ATXN1: variants seen among roughly 807,000 people sequenced by gnomAD.
ATXN1 encodes ataxin 1.
In ATXN1, 8 loss-of-function variants were observed where a neutral mutation model predicts 56.4. The ratio of observed to expected loss-of-function variants is 0.14; its 90% CI spans 0.08 to 0.26. The LOEUF (loss-of-function observed/expected upper bound fraction) is 0.26. Among genes scored for constraint, ATXN1 ranks in the 10% least tolerant of loss-of-function variants. The pLI is 1.00. For missense variants in ATXN1, 987 were observed against 1,106.5 expected, an observed-to-expected ratio of 0.89 and a Z score of 1.53; for synonymous variants, 514 against 494.6, an observed-to-expected ratio of 1.04 and a Z score of -0.52.
At chr6:16,620,052 T>G (rs1054963182) in intron 3 of ATXN1, among the ~76,000 whole-genome samples, 5 of 152,174 alleles carry the variant, frequency 3.3e-5, no homozygotes, top group Non-Finnish European at 7.3e-5. Context: ...TGTAAAGCAC[T>G]TAGTACAGCA....
rs970964268 is a variant in ATXN1, at chr6:16,301,811, C to G, written c.*4518G>C. 8 of 152,704 alleles carry G rather than the reference C, an allele frequency of 5.2e-5. No homozygotes were observed. Among genetic ancestry groups the G allele is most frequent in the Admixed American group, 5.2e-4 (8 of 15,290 alleles). 9.5% of individuals were successfully genotyped at this position (152,704 alleles called of 1,614,324 possible). A position where few individuals can be genotyped will look rare whatever the true frequency, so the allele number is the denominator to read the frequency against. On this transcript the variant is annotated 3_prime_UTR_variant, in exon 8 of 8. Coordinates refer to ENST00000436367, the MANE Select transcript of ATXN1 (RefSeq NM_001128164.2). ...AGCCCGGCCTTCGGTACCGAGAGCT[C>G]TGCTTCCTCACCCATATCTGAAATA...
At chr6:16,370,649 G>T (rs1176538417) in intron 6 of ATXN1, among the ~76,000 whole-genome samples, 1 of 151,966 alleles carries the variant, frequency 6.6e-6, no homozygotes, top group African/African-American at 2.4e-5. Flanking sequence ...TTGTATTTTG[G>T]CATATATATA....
intron 2 of ATXN1, chr6:16,737,549 T>C (rs370596098): frequency 1.3e-5 from 2 of 152,192 alleles, no homozygotes; most frequent in Admixed American, 6.5e-5. Context: ...AAATTAATAG[T>C]GTTGTAAGGC....
chr6:16,478,848 G>C (rs1760379534), intron 6 of ATXN1, among the ~76,000 whole-genome samples: 1 of 152,124 alleles, frequency 6.6e-6, no homozygotes, highest in East Asian at 1.9e-4. Context: ...ATTTCCAGAT[G>C]CACAAAGGAA....
Position 16,760,336 on chromosome 6 carries a change from C to T in ATXN1, c.-730+962G>A, listed in dbSNP as rs144371716. Among the ~76,000 whole-genome samples the T allele has an allele frequency of 0.016, 2,399 of 152,020 alleles. 63 individuals are homozygous for T. The highest frequency in any genetic ancestry group is 0.053 in the African/African-American group (2,218 of 41,536). ...ACTCCCGGCTCAGGGCAGCGCCTGC[C>T]GCGGCTCCTCGTCTCCTGCCGCGGG... On this transcript the variant is annotated intron_variant, in intron 1 of 7. Transcript: ENST00000436367. This position sits in a 1 kb window ranked among gnomAD's most constrained non-coding sequence, Gnocchi z 5.3.
At chr6:16,699,366 A>G (rs551988318) in intron 2 of ATXN1, among the ~76,000 whole-genome samples, 2 of 152,246 alleles carry the variant, frequency 1.3e-5, no homozygotes, top group Non-Finnish European at 2.9e-5. Context: ...TAAAATGACA[A>G]AAATAAAAAT....
intron 3 of ATXN1, among the ~76,000 whole-genome samples, chr6:16,609,668 G>T (rs576867483): frequency 2.2e-4 from 34 of 152,280 alleles, no homozygotes; most frequent in African/African-American, 8.2e-4. Flanking sequence ...TTTCCAGGGC[G>T]GGCTAGCCCT....
At chr6:16,341,250 T>C (rs1209353272) in intron 6 of ATXN1, among the ~76,000 whole-genome samples, 2 of 152,134 alleles carry the variant, frequency 1.3e-5, no homozygotes, top group African/African-American at 4.8e-5. Context: ...TGAATAATGG[T>C]GTATCAGTGG....
At chr6:16,467,657 T>C (rs1313738440) in intron 6 of ATXN1, among the ~76,000 whole-genome samples, 1 of 152,260 alleles carries the variant, frequency 6.6e-6, no homozygotes, top group African/African-American at 2.4e-5. Flanking sequence ...TTCTTTTCTA[T>C]GGGCATACAT....
chr6:16,583,998 C>G (rs1050655341), intron 4 of ATXN1, among the ~76,000 whole-genome samples: 1 of 151,628 alleles, frequency 6.6e-6, no homozygotes, highest in African/African-American at 2.4e-5. Context: ...GGAGTTTTAA[C>G]GATTTTAAAC....
intron 4 of ATXN1, among the ~76,000 whole-genome samples, chr6:16,544,314 G>A (rs116458307): frequency 0.022 from 3,333 of 152,288 alleles, 52 homozygotes; most frequent in Non-Finnish European, 0.031. Context: ...AAGTTGTGGC[G>A]CAGGATCACA....
intron 3 of ATXN1, among the ~76,000 whole-genome samples, chr6:16,628,779 C>T (rs1763452420): frequency 6.6e-6 from 1 of 152,184 alleles, no homozygotes; most frequent in Non-Finnish European, 1.5e-5. Context: ...TTCCATACTC[C>T]TGCAAAAGAC....
intron 3 of ATXN1, among the ~76,000 whole-genome samples, chr6:16,587,692 G>T (rs558428767): frequency 6.6e-6 from 1 of 151,918 alleles, no homozygotes; most frequent in African/African-American, 2.4e-5. Context: ...CAGCACTTTG[G>T]GGGGCCAAGG....
chr6:16,505,599 C>T (rs1760969444), intron 5 of ATXN1, among the ~76,000 whole-genome samples: 1 of 152,172 alleles, frequency 6.6e-6, no homozygotes, highest in Non-Finnish European at 1.5e-5. Context: ...GAACACAAGC[C>T]AGGCTTGCTG....
At chr6:16,576,496 T>C (rs16878486) in intron 4 of ATXN1, among the ~76,000 whole-genome samples, 16,297 of 152,256 alleles carry the variant, frequency 0.11, 1,877 homozygotes, top group African/African-American at 0.29. Context: ...CAGACACTTA[T>C]TGACACTTAA....
intron 5 of ATXN1, among the ~76,000 whole-genome samples, chr6:16,514,473 T>C (rs1761141219): frequency 6.6e-6 from 1 of 152,046 alleles, no homozygotes; most frequent in Non-Finnish European, 1.5e-5. Flanking sequence ...AACCACACAT[T>C]CCGTTTTACT....
At chr6:16,367,708 C>A (rs961844148) in intron 6 of ATXN1, among the ~76,000 whole-genome samples, 5 of 137,932 alleles carry the variant, frequency 3.6e-5, no homozygotes, top group African/African-American at 1.7e-4. Context: ...TCTTGCCTTG[C>A]AAGAAGGTAT....
intron 4 of ATXN1, among the ~76,000 whole-genome samples, chr6:16,530,252 T>G (rs2113705304): frequency 6.6e-6 from 1 of 152,238 alleles, no homozygotes; most frequent in East Asian, 1.9e-4. Context: ...TTGAGAATGG[T>G]TTTCAAGGAA....
At chr6:16,514,588 T>C (rs1761143691) in intron 5 of ATXN1, among the ~76,000 whole-genome samples, 1 of 151,962 alleles carries the variant, frequency 6.6e-6, no homozygotes, top group Admixed American at 6.6e-5. Context: ...ATCCTAAACC[T>C]TGGGGAGGGA....
Sources: gnomAD v4.1 joint callset for allele counts (sites outside exome capture counted in the v4.1 genomes callset) on GRCh38, gnomAD v4.1.1 for gene constraint, Gnocchi (gnomAD v3.1) non-coding constraint, MANE v1.5 for transcripts, NCBI Gene and HGNC (gene_info 2026-07-23, HGNC 2026-07-21) for gene names.